Variants in DSTYK observed in about 807,000 individuals in gnomAD.
The protein encoded by DSTYK is RIP-homologous kinase.
A neutral mutation model predicts 98.7 loss-of-function variants in DSTYK; 34 were observed. That is an observed-to-expected ratio of 0.34 (90% confidence interval 0.26 to 0.46). DSTYK has a LOEUF of 0.46. Among genes scored for constraint, DSTYK ranks in the 20% least tolerant of loss-of-function variants. DSTYK has a pLI of 1.00. For missense variants in DSTYK, 962 were observed against 1,181.7 expected, an observed-to-expected ratio of 0.81 and a Z score of 2.73; for synonymous variants, 462 against 457.3, an observed-to-expected ratio of 1.01 and a Z score of -0.13.
intron 2 of DSTYK, among the ~76,000 whole-genome samples, chr1:205,178,999 A>G (rs1436326259): frequency 6.6e-6 from 1 of 151,988 alleles, no homozygotes; most frequent in African/African-American, 2.4e-5. Flanking sequence ...GCATAGTAGC[A>G]TGCACCTGTA....
intron 1 of DSTYK, among the ~76,000 whole-genome samples, chr1:205,190,846 CACAAAAAG>C (rs1183702044): frequency 1.3e-5 from 2 of 152,126 alleles, no homozygotes; most frequent in Non-Finnish European, 2.9e-5. Context: ...ATGGTTTCAT[CACAAAAAG>C]ACCAACAAAA....
intron 1 of DSTYK, among the ~76,000 whole-genome samples, chr1:205,207,648 C>G (rs1423036760): frequency 6.8e-6 from 1 of 147,528 alleles, no homozygotes; most frequent in Non-Finnish European, 1.5e-5. Context: ...CCCAGCTACT[C>G]AGGACGCTGA....
chr1:205,175,296 G>A (rs1485404420), intron 2 of DSTYK, among the ~76,000 whole-genome samples: 10 of 150,684 alleles, frequency 6.6e-5, no homozygotes. Context: ...GTTTCACCAT[G>A]TTATCCAGGA....
chr1:205,171,823 T>C (rs866121574), intron 2 of DSTYK, among the ~76,000 whole-genome samples: 3 of 152,208 alleles, frequency 2.0e-5, no homozygotes, highest in Non-Finnish European at 4.4e-5. Context: ...TCAACACAAA[T>C]ATGCTCAAGT....
At chr1:205,174,841 G>T (rs1251524832) in intron 2 of DSTYK, among the ~76,000 whole-genome samples, 2 of 140,408 alleles carry the variant, frequency 1.4e-5, no homozygotes, top group African/African-American at 5.2e-5. Flanking sequence ...AGGTTCAAGC[G>T]ATTCTCCTGC....
In DSTYK at chr1:205,211,557, T is replaced by G. The variant is rs1437303227; in HGVS notation, c.-22A>C. The G allele has an allele frequency of 8.2e-6, 12 of 1,462,184 alleles. No homozygotes were observed. The highest frequency in any genetic ancestry group is 1.1e-5 in the Non-Finnish European group (12 of 1,114,520). 90.6% of individuals were successfully genotyped at this position (1,462,184 alleles called of 1,614,324 possible). On this transcript the variant is annotated 5_prime_UTR_variant, in exon 1 of 13. Coordinates refer to ENST00000367162, the MANE Select transcript of DSTYK (RefSeq NM_015375.3). ...CCATCGCCTCTGCCCGCTCTGTCTTTGCGGCTCGGTCCCCGGCCGCAGGCC... is the reference window on the plus strand; with the variant it reads ...CCATCGCCTCTGCCCGCTCTGTCTTGGCGGCTCGGTCCCCGGCCGCAGGCC...
chr1:205,208,287 T>TA (rs1276420505), intron 1 of DSTYK, among the ~76,000 whole-genome samples: 2 of 152,238 alleles, frequency 1.3e-5, no homozygotes, highest in Non-Finnish European at 2.9e-5. Context: ...TGGGGTCCTT[T>TA]ACTCTTTTGT....
At chr1:205,161,929 C>G (rs72741184) in intron 6 of DSTYK, 107 bp downstream of exon 6, 3 of 320,364 alleles carry the variant, frequency 9.4e-6, no homozygotes, top group Non-Finnish European at 1.3e-5. Context: ...TATACACACA[C>G]AGACACACAC....
chr1:205,172,596 T>C (rs1474622854), intron 2 of DSTYK, among the ~76,000 whole-genome samples: 1 of 152,018 alleles, frequency 6.6e-6, no homozygotes, highest in Non-Finnish European at 1.5e-5. Flanking sequence ...ATTACAGGTG[T>C]GAACCACTGT....
chr1:205,177,449 C>G (rs1162520116), intron 2 of DSTYK, among the ~76,000 whole-genome samples: 1 of 152,182 alleles, frequency 6.6e-6, no homozygotes, highest in African/African-American at 2.4e-5. Flanking sequence ...TGAAAGGTTT[C>G]TCCTGTTTGT....
Position 205,152,254 on chromosome 1 carries a change from C to T in DSTYK, c.2353-1460G>A, listed in dbSNP as rs558959794. On this transcript the variant is annotated intron_variant, in intron 10 of 12. Coordinates refer to ENST00000367162, the MANE Select transcript of DSTYK (RefSeq NM_015375.3). ...GTGCAATGGCATGATCTCGGCTCAT[C>T]GCAACCTCTGCCTCCCGGGTTCAAG... 4.6e-5 allele frequency among the ~76,000 whole-genome samples: 7 copies of T among 152,242 alleles called. No homozygotes were observed. In the South Asian group the frequency reaches 1.0e-3, roughly 23 times the overall value.
chr1:205,195,359 T>C (rs1430242081), intron 1 of DSTYK, among the ~76,000 whole-genome samples: 2 of 152,240 alleles, frequency 1.3e-5, no homozygotes, highest in South Asian at 4.1e-4. Context: ...GTCTTTCTAC[T>C]ACAGTCAATT....
At chr1:205,159,809 G>T in intron 8 of DSTYK, 130 bp from the exon 9 acceptor site, 1 of 1,166,610 alleles carries the variant, frequency 8.6e-7, no homozygotes, top group African/African-American at 1.5e-5. Flanking sequence ...CCTCAGTGCA[G>T]ACAGAGCCCT....
intron 1 of DSTYK, among the ~76,000 whole-genome samples, chr1:205,190,143 T>C (rs1009265343): frequency 6.6e-6 from 1 of 152,150 alleles, no homozygotes; most frequent in African/African-American, 2.4e-5. Context: ...CCCAACACAA[T>C]GCCTGACACT....
chr1:205,150,606 C>T lies in DSTYK; in HGVS notation c.2467+74G>A, dbSNP rs568548920. 36 of 1,225,348 alleles carry T rather than the reference C, an allele frequency of 2.9e-5. No individual in the cohort carries two copies. The highest frequency in any genetic ancestry group is 2.6e-4 in the South Asian group (20 of 76,854). 75.9% of individuals were successfully genotyped at this position (1,225,348 alleles called of 1,614,324 possible). On this transcript the variant is annotated intron_variant, in intron 11 of 12. Transcript: ENST00000367162. The surrounding 1 kb of genome is among the most constrained non-coding windows in gnomAD (Gnocchi z 4.1). ...GACCTGCCAGTAGTGATTGTGGAAA[C>T]GAGCTCAAGGGGTAGCACTCAGGAT...
intron 3 of DSTYK, among the ~76,000 whole-genome samples, chr1:205,167,132 A>C (rs1657911816): frequency 6.6e-6 from 1 of 152,258 alleles, no homozygotes; most frequent in Non-Finnish European, 1.5e-5. Flanking sequence ...GTGATGGCTC[A>C]TGCCTATAAT....
chr1:205,156,316 A>G lies in DSTYK; in HGVS notation c.2352+957T>C, dbSNP rs1454103326. On this transcript the variant is annotated intron_variant, in intron 10 of 12. Coordinates refer to ENST00000367162, the MANE Select transcript of DSTYK (RefSeq NM_015375.3). ...CACAACTTGCACCGTGTGCCTAGAA[A>G]AGCCACAGACACTCAACACCAGCCC... 2.0e-5 allele frequency among the ~76,000 whole-genome samples: 3 copies of G among 152,178 alleles called. No homozygotes were observed. In the East Asian group the frequency reaches 5.8e-4, roughly 29 times the overall value.
intron 2 of DSTYK, among the ~76,000 whole-genome samples, chr1:205,174,615 G>A (rs1227029858): frequency 6.6e-6 from 1 of 151,522 alleles, no homozygotes; most frequent in African/African-American, 2.4e-5. Context: ...CCTGGGAGGT[G>A]GAGGTTGCAG....
chr1:205,169,304 G>T lies in DSTYK; in HGVS notation c.1183C>A (p.Arg395=), dbSNP rs780756514. 6.2e-7 allele frequency: 1 copy of T among 1,613,574 alleles called. No individual in the cohort carries two copies. The highest frequency in any genetic ancestry group is 8.5e-7 in the Non-Finnish European group (1 of 1,179,892). ...TCATACAACTCATTCTCCTTTTTTC[G>T]AGTATATTCCAGACGTTTGGGAGTG... ...QITPKRLEYT[R]KKENELYESL... is the part of the protein sequence containing the mutation. The change falls in exon 3 of 13, where the codon CGA becomes AGA. Residue 395 remains arginine (R), a synonymous_variant. Coordinates refer to ENST00000367162, the MANE Select transcript of DSTYK (RefSeq NM_015375.3). This position sits in a 1 kb window ranked among gnomAD's most constrained non-coding sequence, Gnocchi z 4.0.
Sources: gnomAD v4.1 joint callset for allele counts (sites outside exome capture counted in the v4.1 genomes callset) on GRCh38, gnomAD v4.1.1 for gene constraint, Gnocchi (gnomAD v3.1) non-coding constraint, MANE v1.5 for transcripts, NCBI Gene and HGNC (gene_info 2026-07-23, HGNC 2026-07-21) for gene names.